Variants in MMP26 observed in about 807,000 individuals in gnomAD.
MMP26 encodes the protein matrix metalloproteinase-26.
MMP26 carries 33 observed loss-of-function variants against 31.0 expected under a neutral mutation model. The observed-to-expected ratio is 1.06, with a 90% CI of 0.81 to 1.42. MMP26 has a LOEUF of 1.42. MMP26 is among the 40% of genes most tolerant of loss of function. MMP26 has a pLI of 0.00. For missense variants in MMP26, 347 were observed against 316.1 expected, an observed-to-expected ratio of 1.10 and a Z score of -0.74; for synonymous variants, 122 against 114.9, an observed-to-expected ratio of 1.06 and a Z score of -0.40.
intron 2 of MMP26, chr11:4,944,111 G>C (rs1456055983): frequency 2.2e-6 from 1 of 455,516 alleles, no homozygotes; most frequent in African/African-American, 2.0e-5. Flanking sequence ...TATTTGTAAG[G>C]TTTTGGAAAA....
At chr11:4,728,713 T>C (rs972551330) in intron 1 of MMP26, among the ~76,000 whole-genome samples, 5 of 152,200 alleles carry the variant, frequency 3.3e-5, no homozygotes, top group Admixed American at 2.6e-4. Flanking sequence ...CTTTTTTTCT[T>C]AGGAGGTGCT....
chr11:4,746,537 G>A (rs1245444225), intron 1 of MMP26, among the ~76,000 whole-genome samples: 1 of 152,058 alleles, frequency 6.6e-6, no homozygotes, highest in Non-Finnish European at 1.5e-5. Flanking sequence ...TGTTAAAGAT[G>A]AATAAGAATA....
intron 2 of MMP26, among the ~76,000 whole-genome samples, chr11:4,884,805 A>G (rs888907097): frequency 2.0e-5 from 3 of 152,154 alleles, no homozygotes; most frequent in African/African-American, 7.2e-5. Context: ...TTTATTGGCT[A>G]AAAAGCCTAA....
intron 2 of MMP26, among the ~76,000 whole-genome samples, chr11:4,854,924 C>G (rs183067807): frequency 6.6e-6 from 1 of 152,304 alleles, no homozygotes; most frequent in Non-Finnish European, 1.5e-5. Context: ...TGTTCTGCAG[C>G]CTCCGCTGGT....
chr11:4,839,315 C>A (rs990418384), intron 2 of MMP26, among the ~76,000 whole-genome samples: 1 of 151,906 alleles, frequency 6.6e-6, no homozygotes, highest in African/African-American at 2.4e-5. Context: ...GGTCCAGAGA[C>A]AGTGGACTAG....
At chr11:4,759,111 CAAAAAA>C (rs989730402) in intron 1 of MMP26, among the ~76,000 whole-genome samples, 3 of 43,206 alleles carry the variant, frequency 6.9e-5, no homozygotes, top group Non-Finnish European at 9.3e-5. Context: ...CATTCCATCT[CAAAAAA>C]AAAAAAAAAA....
At chr11:4,944,141 G>A (rs1380627987) in intron 2 of MMP26, 3 of 455,198 alleles carry the variant, frequency 6.6e-6, no homozygotes, top group African/African-American at 2.0e-5. Context: ...ATACAGTTAT[G>A]CACCTCAAAC....
chr11:4,934,826 A>G (rs1851409651), intron 2 of MMP26, among the ~76,000 whole-genome samples: 2 of 150,946 alleles, frequency 1.3e-5, no homozygotes, highest in Admixed American at 1.3e-4. Context: ...CATTTATTAA[A>G]TAGGGAATCC....
chr11:4,964,204 G>C (rs1589820248), intron 2 of MMP26, among the ~76,000 whole-genome samples: 2 of 152,164 alleles, frequency 1.3e-5, no homozygotes, highest in Middle Eastern at 6.8e-3. Context: ...GTTCTTAATG[G>C]TATTGCCTAG....
At chr11:4,780,441 T>C (rs1848843317) in intron 2 of MMP26, among the ~76,000 whole-genome samples, 1 of 152,210 alleles carries the variant, frequency 6.6e-6, no homozygotes, top group African/African-American at 2.4e-5. Flanking sequence ...TGCATTTTCC[T>C]GTGTGTATTG....
At chr11:4,966,631 A>C (rs1241390716) in intron 2 of MMP26, among the ~76,000 whole-genome samples, 2 of 152,196 alleles carry the variant, frequency 1.3e-5, no homozygotes, top group Non-Finnish European at 2.9e-5. Context: ...CCTCTTGTTC[A>C]AGGAAATAAG....
At chr11:4,861,335 C>A (rs577470875) in intron 2 of MMP26, among the ~76,000 whole-genome samples, 116 of 150,084 alleles carry the variant, frequency 7.7e-4, no homozygotes, top group African/African-American at 2.8e-3. Flanking sequence ...GAAGTATATA[C>A]AATATATATT....
intron 1 of MMP26, among the ~76,000 whole-genome samples, chr11:4,732,548 A>G (rs1589886019): frequency 1.2e-5 from 1 of 81,220 alleles, no homozygotes; most frequent in Non-Finnish European, 2.8e-5. Context: ...TCTCAAAAAA[A>G]AAAAAAAAAA....
At chr11:4,729,717 A>G (rs1425766510) in intron 1 of MMP26, among the ~76,000 whole-genome samples, 1 of 151,258 alleles carries the variant, frequency 6.6e-6, no homozygotes, top group Non-Finnish European at 1.5e-5. Context: ...ATTTAACCTA[A>G]CAGGTGTGAG....
intron 2 of MMP26, among the ~76,000 whole-genome samples, chr11:4,956,449 A>C (rs1167747580): frequency 6.6e-6 from 1 of 152,200 alleles, no homozygotes; most frequent in Non-Finnish European, 1.5e-5. Context: ...ACCTGTAATA[A>C]GGGATGATTT....
chr11:4,898,901 A>T (rs1850755577), intron 2 of MMP26, among the ~76,000 whole-genome samples: 1 of 150,186 alleles, frequency 6.7e-6, no homozygotes, highest in South Asian at 2.1e-4. Context: ...CAACTGTAAG[A>T]ATGTGAAGGA....
At chr11:4,846,315 T>G (rs939771629) in intron 2 of MMP26, among the ~76,000 whole-genome samples, 1 of 152,108 alleles carries the variant, frequency 6.6e-6, no homozygotes, top group Admixed American at 6.5e-5. Flanking sequence ...AAAACAAACA[T>G]TGCATGTTCT....
chr11:4,874,666 T>C (rs887039140), intron 2 of MMP26, among the ~76,000 whole-genome samples: 1 of 151,966 alleles, frequency 6.6e-6, no homozygotes, highest in African/African-American at 2.4e-5. Flanking sequence ...ACTATAGCAC[T>C]ACTTTCTTTT....
rs1482925318 is a variant in MMP26 at position 4,951,950 on chromosome 11, C to T, written c.-144-36118C>T. ...CAGAGAGCTGAAGCATGTAAGTTAG[C>T]GGTGATAACAACTTCTTTGCAGCAC... is the stretch of plus-strand genomic sequence containing the variant. On this transcript the variant is annotated intron_variant, in intron 2 of 7. Coordinates refer to ENST00000380390, the MANE Select transcript of MMP26 (RefSeq NM_021801.5). Among the ~76,000 whole-genome samples, 6 of 124,448 alleles carry T rather than the reference C, an allele frequency of 4.8e-5. 1 individual carries two copies. In the East Asian group the frequency reaches 1.1e-3, roughly 24 times the overall value. 81.6% of individuals were successfully genotyped at this position (124,448 alleles called of 152,430 possible).
Sources: allele counts gnomAD v4.1 joint callset (sites outside exome capture counted in the v4.1 genomes callset), GRCh38; gene constraint gnomAD v4.1.1; transcripts MANE v1.5; gene names NCBI Gene and HGNC (gene_info 2026-07-23, HGNC 2026-07-21).